LAMC3: variants seen among roughly 807,000 people sequenced by gnomAD.
LAMC3 encodes laminin subunit gamma 3.
In LAMC3, 128 loss-of-function variants were observed where a neutral mutation model predicts 173.8. The observed-to-expected ratio is 0.74, with a 90% CI of 0.64 to 0.85. LAMC3 has a LOEUF of 0.85. Ranked by LOEUF, LAMC3 falls within the 40% of genes least tolerant of loss-of-function variation. LAMC3 has a pLI of 0.00. For missense variants in LAMC3, 2,022 were observed against 2,156.0 expected (o/e 0.94, Z 1.23); for synonymous variants, 897 against 909.1 (o/e 0.99, Z 0.24).
chr9:131,036,476 A>G, intron 4 of LAMC3, 144 bp downstream of exon 4: 2 of 902,818 alleles, frequency 2.2e-6, no homozygotes, highest in Non-Finnish European at 3.5e-6. Context: ...CTGCAGAGAT[A>G]AGGACGAGCA....
chr9:131,075,856 G>T lies in LAMC3; in HGVS notation c.3520G>T (p.Ala1174Ser), dbSNP rs1355839170. ...CCACAGAGACACCGCCACCAAGATC[G>T]CAGCCACTGCTTGGAGGGCCCTGCT... ...RSHRDTATKI[A>S]ATAWRALLAS... Residue 1174 changes from alanine to serine, a missense_variant, in exon 21 of 28, where the codon GCA becomes TCA. Coordinates refer to ENST00000361069, the MANE Select transcript of LAMC3 (RefSeq NM_006059.4). 2 of 1,611,994 alleles carry T rather than the reference G, an allele frequency of 1.2e-6. No homozygotes were observed. Among genetic ancestry groups the T allele is most frequent in the Non-Finnish European group, 1.7e-6 (2 of 1,179,226 alleles).
chr9:131,087,362 A>C lies in LAMC3; in HGVS notation c.4231-114A>C, dbSNP rs72768541. ...TATTTGTTGCGTGCATGAATGAATG[A>C]ATGATCTGCCTGGTACAGACAACTG... On this transcript the variant is annotated intron_variant, in intron 25 of 27. Coordinates refer to ENST00000361069, the MANE Select transcript of LAMC3 (RefSeq NM_006059.4). The C allele has an allele frequency of 7.1e-3, 9,474 of 1,332,450 alleles. 49 individuals carry two copies. Among genetic ancestry groups the C allele is most frequent in the Non-Finnish European group, 8.6e-3 (7,984 of 924,122 alleles). The allele number at this position is 1,332,450 out of a possible 1,614,324, so 82.5% of individuals were successfully genotyped here. A position where few individuals can be genotyped will look rare whatever the true frequency, so the allele number is the denominator to read the frequency against.
At chr9:131,032,445 C>CCCTCCCTT (rs1564368187) in intron 3 of LAMC3, among the ~76,000 whole-genome samples, 1 of 150,422 alleles carries the variant, frequency 6.6e-6, no homozygotes, top group Non-Finnish European at 1.5e-5. Flanking sequence ...CTTCCTCCCT[C>CCCTCCCTT]CCTCCCTCCC....
chr9:131,047,418 C>T (rs1314995921), intron 8 of LAMC3, among the ~76,000 whole-genome samples: 13 of 151,650 alleles, frequency 8.6e-5, no homozygotes, highest in Admixed American at 7.9e-4. Context: ...CCACCCTCCT[C>T]AGCCTCCCAG....
intron 8 of LAMC3, 86 bp downstream of exon 8, chr9:131,045,746 T>C: frequency 6.7e-7 from 1 of 1,493,642 alleles, no homozygotes; most frequent in Non-Finnish European, 9.3e-7. Flanking sequence ...CTTGCATTAG[T>C]GGATCTCCCA....
Position 131,087,505 on chromosome 9 carries a change from A to G in LAMC3, c.4260A>G (p.Lys1420=). ...KLAKALLRER[K]QAHRRASRLT... is the part of the protein sequence containing the mutation. ...CCAAGGCCTTGCTGAGGGAGCGGAA[A>G]CAGGCGCACCGCCGTGCCAGCAGGC... Residue 1420 remains lysine (K), a synonymous_variant, in exon 26 of 28, where the codon AAA becomes AAG. Coordinates refer to ENST00000361069, the MANE Select transcript of LAMC3 (RefSeq NM_006059.4). 6.2e-7 allele frequency: 1 copy of G among 1,613,806 alleles called. No homozygotes were observed. Among genetic ancestry groups the G allele is most frequent in the Non-Finnish European group, 8.5e-7 (1 of 1,180,024 alleles).
intron 27 of LAMC3, among the ~76,000 whole-genome samples, chr9:131,088,798 T>C (rs1830372408): frequency 6.6e-6 from 1 of 152,024 alleles, no homozygotes; most frequent in Non-Finnish European, 1.5e-5. Context: ...TTGACTACTC[T>C]GGGCCAGGCA....
At chr9:131,027,882 G>A (rs1041980008) in intron 2 of LAMC3, among the ~76,000 whole-genome samples, 1 of 152,336 alleles carries the variant, frequency 6.6e-6, no homozygotes, top group South Asian at 2.1e-4. Flanking sequence ...GCCCACGTAG[G>A]TCCACCCAGG....
intron 27 of LAMC3, among the ~76,000 whole-genome samples, chr9:131,088,194 C>A (rs140250185): frequency 6.6e-6 from 1 of 152,138 alleles, no homozygotes; most frequent in Non-Finnish European, 1.5e-5. Context: ...AAGACTGTCA[C>A]GGCAGAAAGT....
At chr9:131,046,113 TAGGCCACTTGCCTG>T (rs1290852497) in intron 8 of LAMC3, among the ~76,000 whole-genome samples, 1 of 151,080 alleles carries the variant, frequency 6.6e-6, no homozygotes, top group African/African-American at 2.4e-5. Context: ...CTACAAAAGG[TAGGCCACTTGCCTG>T]AGGCCACATA....
chr9:131,067,545 C>T (rs1041817511), intron 14 of LAMC3, among the ~76,000 whole-genome samples: 4 of 152,210 alleles, frequency 2.6e-5, no homozygotes, highest in Non-Finnish European at 4.4e-5. Context: ...CCCCTCATCA[C>T]CTCAGTTAAC....
intron 16 of LAMC3, 84 bp from the exon 17 acceptor site, chr9:131,069,588 G>A (rs538778775): frequency 2.1e-5 from 30 of 1,399,068 alleles, no homozygotes; most frequent in Admixed American, 7.8e-5. Context: ...AACCCAGCAC[G>A]CACTGCCCCT....
chr9:131,084,173 G>A (rs865853856), intron 24 of LAMC3, among the ~76,000 whole-genome samples: 14 of 151,474 alleles, frequency 9.2e-5, no homozygotes, highest in African/African-American at 3.2e-4. Context: ...GTAAGTCACC[G>A]TGCCTGGCCT....
chr9:131,036,077 A>T, intron 3 of LAMC3, 89 bp from the exon 4 acceptor site: 1 of 1,392,802 alleles, frequency 7.2e-7, no homozygotes, highest in East Asian at 2.3e-5. Flanking sequence ...TCTGGCTCAC[A>T]CCTGCAAACA....
At chr9:131,015,217 C>T (rs2133205684) in intron 1 of LAMC3, among the ~76,000 whole-genome samples, 1 of 152,314 alleles carries the variant, frequency 6.6e-6, no homozygotes, top group East Asian at 1.9e-4. Context: ...CAAGATTGCA[C>T]TGTGTTTCCT....
rs143242975 is a variant in LAMC3, at chr9:131,071,530, A to G, written c.3116A>G (p.Gln1039Arg). 9.6e-5 allele frequency: 155 copies of G among 1,613,758 alleles called. 1 individual carries two copies. In the South Asian group the frequency reaches 1.6e-3, roughly 16 times the overall value. Residue 1039 changes from glutamine to arginine, a missense_variant, in exon 18 of 28, where the codon CAA (glutamine) becomes CGA (arginine). Coordinates refer to ENST00000361069, the MANE Select transcript of LAMC3 (RefSeq NM_006059.4). ...ARLTLTEGWL[Q>R]GSDCGSPWGP... ...CTGACTTTGACGGAGGGGTGGCTCC[A>G]AGGGTCCGACTGTGGCAGTCCCTGG...
At chr9:131,075,562 CAA>C (rs35509603) in intron 20 of LAMC3, among the ~76,000 whole-genome samples, 26 of 102,580 alleles carry the variant, frequency 2.5e-4, no homozygotes, top group Admixed American at 2.9e-4. Flanking sequence ...GACTCTGTCT[CAA>C]AAAAAAAAAA....
chr9:131,054,378 A>G (rs900178082), intron 11 of LAMC3, among the ~76,000 whole-genome samples: 1 of 152,072 alleles, frequency 6.6e-6, no homozygotes, highest in Admixed American at 6.6e-5. Context: ...TCCTCTTTCC[A>G]TGGGTAATGT....
At chr9:131,085,434 G>A in intron 24 of LAMC3, 90 bp from the exon 25 acceptor site, 1 of 1,315,234 alleles carries the variant, frequency 7.6e-7, no homozygotes, top group Admixed American at 1.7e-5. Context: ...AAGGGTCTGT[G>A]GTCAGCCAGG....
Sources: allele counts gnomAD v4.1 joint callset (sites outside exome capture counted in the v4.1 genomes callset), GRCh38; gene constraint gnomAD v4.1.1; transcripts MANE v1.5; gene names NCBI Gene and HGNC (gene_info 2026-07-23, HGNC 2026-07-21).